ST8SIA2: variants seen among roughly 807,000 people sequenced by gnomAD.
ST8SIA2 encodes ST8 alpha-N-acetyl-neuraminide alpha-2,8-sialyltransferase 2, also known as alpha-2,8-sialyltransferase 8B.
In ST8SIA2, 22 loss-of-function variants were observed where a neutral mutation model predicts 37.6. The observed-to-expected ratio is 0.58, with a 90% CI of 0.42 to 0.83. The LOEUF is 0.83. Ranked by LOEUF, ST8SIA2 falls within the 40% of genes least tolerant of loss-of-function variation. The pLI is 0.00. For synonymous variants in ST8SIA2, 205 were observed against 201.2 expected, an observed-to-expected ratio of 1.02 and a Z score of -0.16; for missense variants, 382 against 484.7, an observed-to-expected ratio of 0.79 and a Z score of 1.99.
chr15:92,419,590 C>T (rs994021296), intron 1 of ST8SIA2, among the ~76,000 whole-genome samples: 2 of 152,140 alleles, frequency 1.3e-5, no homozygotes, highest in Non-Finnish European at 2.9e-5. Flanking sequence ...GGGCACCCTT[C>T]TGCAGGTATG....
chr15:92,420,854 A>G (rs552244279), intron 1 of ST8SIA2: 1 of 152,390 alleles, frequency 6.6e-6, no homozygotes, highest in East Asian at 1.9e-4. Flanking sequence ...CTCAGTATCT[A>G]TGAGGTTCAA....
intron 5 of ST8SIA2, among the ~76,000 whole-genome samples, chr15:92,449,669 T>G (rs991612874): frequency 4.6e-5 from 7 of 152,230 alleles, no homozygotes; most frequent in African/African-American, 1.7e-4. Flanking sequence ...ATCTGTTGTT[T>G]TTTGACTTTT....
In ST8SIA2 at chr15:92,445,108, A is replaced by C. The variant is rs1303017087; in HGVS notation, c.842+179A>C. ...TCCTTGAGAGATGAGGGGGTTTGGC[A>C]AGTGGGTTTCATCTGGCATGCCAAT... On this transcript the variant is annotated intron_variant, in intron 5 of 5. Coordinates refer to ENST00000268164, the MANE Select transcript of ST8SIA2 (RefSeq NM_006011.4). The C allele has an allele frequency of 5.5e-6, 5 of 910,828 alleles. No homozygotes were observed. In the East Asian group the frequency reaches 1.1e-4, roughly 19 times the overall value. The allele number at this position is 910,828 out of a possible 1,614,324, so 56.4% of individuals were successfully genotyped here.
chr15:92,397,667 G>A (rs2049441346), intron 1 of ST8SIA2, among the ~76,000 whole-genome samples: 1 of 152,128 alleles, frequency 6.6e-6, no homozygotes, highest in Non-Finnish European at 1.5e-5. Flanking sequence ...TTGTTTCTTG[G>A]CCTTTAATCT....
intron 5 of ST8SIA2, among the ~76,000 whole-genome samples, chr15:92,453,324 C>T (rs1455727377): frequency 1.3e-5 from 2 of 152,140 alleles, no homozygotes; most frequent in Admixed American, 6.6e-5. Context: ...TTACCAATAA[C>T]TTAAATGACA....
chr15:92,419,833 T>C (rs2049618674), intron 1 of ST8SIA2, among the ~76,000 whole-genome samples: 1 of 152,206 alleles, frequency 6.6e-6, no homozygotes, highest in African/African-American at 2.4e-5. Flanking sequence ...GATTTCAGAA[T>C]GCAGCATTAT....
At chr15:92,406,703 T>A (rs1040819136) in intron 1 of ST8SIA2, among the ~76,000 whole-genome samples, 6 of 152,084 alleles carry the variant, frequency 3.9e-5, no homozygotes, top group African/African-American at 1.4e-4. Context: ...GAAAAATGAA[T>A]AATGATTCTT....
Position 92,464,291 on chromosome 15 carries a change from C to T in ST8SIA2, c.1034C>T (p.Pro345Leu). ...LKYGYTSQASPHTMPLEFKAL... is the reference protein window; with the variant it reads ...LKYGYTSQASLHTMPLEFKAL... ...TATGGCTACACCTCCCAGGCCAGCC[C>T]GCATACCATGCCCTTGGAGTTTAAG... Residue 345 changes from proline (P) to leucine (L), a missense_variant, in exon 6 of 6, where the codon CCG becomes CTG. Coordinates refer to ENST00000268164, the MANE Select transcript of ST8SIA2 (RefSeq NM_006011.4). 3.1e-6 allele frequency: 5 copies of T among 1,613,982 alleles called. No homozygotes were observed. The highest frequency in any genetic ancestry group is 4.2e-6 in the Non-Finnish European group (5 of 1,179,992).
At chr15:92,454,158 C>T (rs1248305012) in intron 5 of ST8SIA2, among the ~76,000 whole-genome samples, 1 of 152,142 alleles carries the variant, frequency 6.6e-6, no homozygotes, top group African/African-American at 2.4e-5. Flanking sequence ...TATTATCTAG[C>T]AGTTCTGGGG....
chr15:92,415,487 C>A (rs1190376966), intron 1 of ST8SIA2, among the ~76,000 whole-genome samples: 1 of 151,814 alleles, frequency 6.6e-6, no homozygotes, highest in African/African-American at 2.4e-5. Flanking sequence ...CCAGGCAAGT[C>A]ACAGATATAA....
At chr15:92,453,644 T>C (rs929484146) in intron 5 of ST8SIA2, among the ~76,000 whole-genome samples, 2 of 152,186 alleles carry the variant, frequency 1.3e-5, no homozygotes, top group Admixed American at 6.5e-5. Context: ...CAGATCCCAC[T>C]TAGAGAATCA....
At position 92,410,980 on chromosome 15, in the gene ST8SIA2, C is replaced by T. The variant is rs539390538; in HGVS notation, c.98+16818C>T. Among the ~76,000 whole-genome samples, 16 of 152,260 alleles carry T rather than the reference C, an allele frequency of 1.1e-4. No homozygotes were observed. The East Asian group carries it at 1.5e-3, about 15-fold the overall frequency. ...AGGAGCTGTTCTCACATTTGTGACG[C>T]GGCTGCCACAGACTCTGGCAGTGCC... is the stretch of plus-strand genomic sequence containing the variant. On this transcript the variant is annotated intron_variant, in intron 1 of 5. Coordinates refer to ENST00000268164, the MANE Select transcript of ST8SIA2 (RefSeq NM_006011.4).
At position 92,428,324 on chromosome 15, in the gene ST8SIA2, A is replaced by C. The variant is rs1311672864; in HGVS notation, c.99-1725A>C. ...ACTAAAGTTTGGGAAACATTTGTTA[A>C]ATCCGTGATGTTTTTTCTGTCTAGA... On this transcript the variant is annotated intron_variant, in intron 1 of 5. Coordinates refer to ENST00000268164, the MANE Select transcript of ST8SIA2 (RefSeq NM_006011.4). Among the ~76,000 whole-genome samples the C allele has an allele frequency of 2.0e-5, 3 of 152,350 alleles. No individual in the cohort carries two copies. In the South Asian group the frequency reaches 6.2e-4, roughly 32 times the overall value.
At chr15:92,411,813 G>A (rs534838461) in intron 1 of ST8SIA2, among the ~76,000 whole-genome samples, 6 of 152,318 alleles carry the variant, frequency 3.9e-5, no homozygotes, top group East Asian at 1.9e-4. Context: ...CCCTCTGGGG[G>A]AGATGGCAGT....
rs568412202 is a variant in ST8SIA2 at position 92,397,567 on chromosome 15, G to A, written c.98+3405G>A. Among the ~76,000 whole-genome samples, 4 of 152,294 alleles carry A rather than the reference G, an allele frequency of 2.6e-5. No individual in the cohort carries two copies. In the East Asian group the frequency reaches 7.7e-4, roughly 29 times the overall value. On this transcript the variant is annotated intron_variant, in intron 1 of 5. Coordinates refer to ENST00000268164, the MANE Select transcript of ST8SIA2 (RefSeq NM_006011.4). The stretch of plus-strand genomic sequence containing the variant: ...TCAAATTCTAAGTCAGAAATTGGGT[G>A]GGGCTTTGGTAAAATAGGCCCTGAT...
chr15:92,442,636 A>C (rs1357744804), intron 4 of ST8SIA2, among the ~76,000 whole-genome samples: 1 of 152,122 alleles, frequency 6.6e-6, no homozygotes, highest in African/African-American at 2.4e-5. Context: ...TCAAGGCAAT[A>C]AAAGTAACTG....
intron 1 of ST8SIA2, among the ~76,000 whole-genome samples, chr15:92,401,096 C>T (rs1052754584): frequency 6.6e-6 from 1 of 152,030 alleles, no homozygotes; most frequent in Admixed American, 6.6e-5. Flanking sequence ...TCAGCTGTCT[C>T]AAGCAGAGAT....
rs116924409 is a variant in ST8SIA2 at position 92,416,886 on chromosome 15, G to A, written c.99-13163G>A. On this transcript the variant is annotated intron_variant, in intron 1 of 5. Coordinates refer to ENST00000268164, the MANE Select transcript of ST8SIA2 (RefSeq NM_006011.4). ...GAAAGCTGCAGGGGCAACAGCAGGT[G>A]CCTGTTCTACCACGCTAGCACGCTC... Among the ~76,000 whole-genome samples the A allele has an allele frequency of 5.5e-3, 839 of 152,284 alleles. 6 individuals carry two copies. The highest frequency in any genetic ancestry group is 0.014 in the East Asian group (75 of 5,178).
intron 1 of ST8SIA2, among the ~76,000 whole-genome samples, chr15:92,404,767 G>A (rs1043572807): frequency 3.3e-5 from 5 of 151,644 alleles, no homozygotes; most frequent in African/African-American, 4.8e-5. Context: ...CCCGGGAGGC[G>A]GAGGTTGCAG....
Sources: gnomAD v4.1 joint callset for allele counts (sites outside exome capture counted in the v4.1 genomes callset) on GRCh38, gnomAD v4.1.1 for gene constraint, MANE v1.5 for transcripts, NCBI Gene and HGNC (gene_info 2026-07-23, HGNC 2026-07-21) for gene names.